The following MYH11 variants were observed in gnomAD, a reference collection of about 807,000 sequenced individuals.
The protein encoded by MYH11 is myosin-11.
MYH11 carries 80 observed loss-of-function variants against 246.6 expected under a neutral mutation model. The ratio of observed to expected loss-of-function variants is 0.32; its 90% CI spans 0.27 to 0.39. MYH11 has a LOEUF of 0.39. MYH11 is among the 10% of genes least tolerant of loss of function. The pLI is 1.00. For missense variants in MYH11, 2,158 were observed against 2,546.8 expected (o/e 0.85, Z 3.29); for synonymous variants, 1,071 against 1,015.5 (o/e 1.05, Z -1.04).
At position 15,786,394 on chromosome 16, in the gene MYH11, T is replaced by C. The variant is rs1001338345; in HGVS notation, c.633+236A>G. 5 of 718,662 alleles carry C rather than the reference T, an allele frequency of 7.0e-6. No individual in the cohort carries two copies. The African/African-American group carries it at 8.6e-5, about 12-fold the overall frequency. The allele number at this position is 718,662 out of a possible 1,614,324, so 44.5% of individuals were successfully genotyped here. On this transcript the variant is annotated intron_variant, in intron 5 of 40. Transcript: ENST00000300036. ...TCTCGCTATGGAAGGAAAGGGCTTA[T>C]TCTCATTTCACAAAACGGGCCCCCT...
At chr16:15,732,179 T>A (rs2040983595) in intron 27 of MYH11, among the ~76,000 whole-genome samples, 1 of 151,974 alleles carries the variant, frequency 6.6e-6, no homozygotes, top group South Asian at 2.1e-4. Flanking sequence ...GCCAGGCTGG[T>A]CTCGAACTCC....
chr16:15,856,436 A>T (rs1276945720), intron 1 of MYH11, among the ~76,000 whole-genome samples: 1 of 151,842 alleles, frequency 6.6e-6, no homozygotes, highest in African/African-American at 2.4e-5. Context: ...GGTCAAATCC[A>T]CAAGGAGCCT....
Position 15,845,298 on chromosome 16 carries a change from A to ATTT in MYH11, c.-17-7032_-17-7030dup, listed in dbSNP as rs11436822. Among the ~76,000 whole-genome samples the ATTT allele has an allele frequency of 1.1e-3, 158 of 139,972 alleles. 1 individual carries two copies. Among genetic ancestry groups the ATTT allele is most frequent in the African/African-American group, 3.1e-3 (115 of 37,664 alleles). 91.8% of individuals were successfully genotyped at this position (139,972 alleles called of 152,430 possible). ...TAAAACAGTATGATATTTTTTCGCG[A>ATTT]TTTTTTTTTTTTTTTTTAGCTCATC... On this transcript the variant is annotated intron_variant, in intron 1 of 40. Coordinates refer to ENST00000300036, the MANE Select transcript of MYH11 (RefSeq NM_002474.3).
intron 1 of MYH11, among the ~76,000 whole-genome samples, chr16:15,853,727 C>A (rs1596963452): frequency 6.6e-6 from 1 of 152,140 alleles, no homozygotes; most frequent in Non-Finnish European, 1.5e-5. Flanking sequence ...AGTATGCCAT[C>A]AAGACCCTAA....
chr16:15,762,927 A>G (rs916350449), intron 10 of MYH11, among the ~76,000 whole-genome samples: 3 of 152,170 alleles, frequency 2.0e-5, no homozygotes, highest in Non-Finnish European at 2.9e-5. Context: ...GCTGGGAAAT[A>G]AGAAACCTAA....
At chr16:15,837,149 C>A (rs538046083) in intron 2 of MYH11, among the ~76,000 whole-genome samples, 3 of 152,322 alleles carry the variant, frequency 2.0e-5, no homozygotes, top group South Asian at 4.1e-4. Flanking sequence ...CTACGACCAA[C>A]CTGAACATTC....
At chr16:15,755,899 C>T (rs915191366) in intron 14 of MYH11, among the ~76,000 whole-genome samples, 1 of 152,154 alleles carries the variant, frequency 6.6e-6, no homozygotes, top group Non-Finnish European at 1.5e-5. Flanking sequence ...CCATTGCACT[C>T]CAGCCTGGAT....
At chr16:15,835,956 C>T (rs575218166) in intron 2 of MYH11, among the ~76,000 whole-genome samples, 1 of 152,108 alleles carries the variant, frequency 6.6e-6, no homozygotes, top group African/African-American at 2.4e-5. Context: ...CGTTGTGTTG[C>T]CCAGGCTGGT....
intron 5 of MYH11, 113 bp downstream of exon 5, chr16:15,786,517 T>TCAGATGGGGCCTTG (rs766200902): frequency 2.0e-6 from 2 of 1,004,656 alleles, no homozygotes; most frequent in Non-Finnish European, 3.2e-6. Flanking sequence ...AGGGGAGGGG[T>TCAGATGGGGCCTTG]AGTCAGATGG....
At chr16:15,787,203 T>A (rs1372261364) in intron 4 of MYH11, among the ~76,000 whole-genome samples, 2 of 151,782 alleles carry the variant, frequency 1.3e-5, no homozygotes, top group Non-Finnish European at 2.9e-5. Flanking sequence ...GTCCAGGAGT[T>A]CAAGACCAGC....
At chr16:15,788,669 C>T (rs2042535658) in intron 4 of MYH11, among the ~76,000 whole-genome samples, 1 of 152,170 alleles carries the variant, frequency 6.6e-6, no homozygotes, top group African/African-American at 2.4e-5. Flanking sequence ...TGTGTGGTCC[C>T]TTCCCTTCCT....
intron 40 of MYH11, chr16:15,708,673 C>T (rs140043055): frequency 2.4e-5 from 23 of 943,882 alleles, no homozygotes; most frequent in Non-Finnish European, 3.5e-5. Context: ...ATATCCAAGC[C>T]TCCAGATTTT....
intron 38 of MYH11, among the ~76,000 whole-genome samples, chr16:15,715,700 T>G (rs140866096): frequency 2.7e-4 from 41 of 152,266 alleles, no homozygotes; most frequent in Non-Finnish European, 4.6e-4. Context: ...CAATGCCTGC[T>G]CTTCACCCTA....
intron 23 of MYH11, 61 bp downstream of exon 23, chr16:15,739,990 C>T (rs2041225813): frequency 6.3e-7 from 1 of 1,583,284 alleles, no homozygotes; most frequent in Non-Finnish European, 8.6e-7. Flanking sequence ...GATCCACATA[C>T]CTTGGCCTCC....
chr16:15,849,607 A>C (rs1282999606), intron 1 of MYH11, among the ~76,000 whole-genome samples: 1 of 151,938 alleles, frequency 6.6e-6, no homozygotes, highest in East Asian at 2.0e-4. Context: ...ACACCCAGCT[A>C]ATTTTTTAAT....
chr16:15,824,304 G>A (rs1181637864), intron 2 of MYH11, among the ~76,000 whole-genome samples: 1 of 151,502 alleles, frequency 6.6e-6, no homozygotes, highest in Non-Finnish European at 1.5e-5. Flanking sequence ...TTGAGACAGG[G>A]TCTTGCTCTG....
At chr16:15,850,086 T>C (rs1299713936) in intron 1 of MYH11, among the ~76,000 whole-genome samples, 2 of 152,196 alleles carry the variant, frequency 1.3e-5, no homozygotes, top group Non-Finnish European at 2.9e-5. Context: ...GCTTCAGCAT[T>C]AATAAAAAGT....
Position 15,726,942 on chromosome 16 carries a change from T to C in MYH11, c.3764A>G (p.Lys1255Arg). The change falls in exon 28 of 41, where the codon AAG (lysine) becomes AGG (arginine). Residue 1255 changes from lysine to arginine, a missense_variant. Physicochemically the swap from Lys to Arg is conservative, Grantham distance 26 (BLOSUM62 2). This residue lies in a region of MYH11 where 1,013 missense variants were observed against 993.5 expected (regional missense o/e 1.02). Coordinates refer to ENST00000300036, the MANE Select transcript of MYH11 (RefSeq NM_002474.3). ...QAKQEVEHKK[K>R]KLEAQVQELQ... ...CTCCTGCACCTGCGCCTCCAGCTTC[T>C]TCTTCTTATGTTCCACCTCCTGCTT... 6.2e-7 allele frequency: 1 copy of C among 1,613,408 alleles called. No individual in the cohort carries two copies. The highest frequency in any genetic ancestry group is 8.5e-7 in the Non-Finnish European group (1 of 1,180,004).
At chr16:15,819,160 G>A (rs951949123) in intron 3 of MYH11, among the ~76,000 whole-genome samples, 1 of 152,176 alleles carries the variant, frequency 6.6e-6, no homozygotes, top group African/African-American at 2.4e-5. Flanking sequence ...AAGACATGCT[G>A]CTGTGCTCAA....
Sources: allele counts gnomAD v4.1 joint callset (sites outside exome capture counted in the v4.1 genomes callset), GRCh38; gene constraint gnomAD v4.1.1; regional missense constraint gnomAD v4.1.1; transcripts MANE v1.5; gene names NCBI Gene and HGNC (gene_info 2026-07-23, HGNC 2026-07-21).